Variants in KAZN observed in about 807,000 individuals in gnomAD.
The protein encoded by KAZN is kazrin, periplakin interacting protein, also known as kazrin.
In KAZN, 40 loss-of-function variants were observed where a neutral mutation model predicts 87.4. The ratio of observed to expected loss-of-function variants is 0.46; its 90% CI spans 0.36 to 0.60. The LOEUF is 0.60. Among genes scored for constraint, KAZN ranks in the 20% least tolerant of loss-of-function variants. The pLI is 0.00. For synonymous variants in KAZN, 466 were observed against 458.3 expected (o/e 1.02, Z -0.22); for missense variants, 898 against 1,073.9 (o/e 0.84, Z 2.29).
chr1:14,978,640 G>A (rs970899428), intron 2 of KAZN, among the ~76,000 whole-genome samples: 1 of 152,158 alleles, frequency 6.6e-6, no homozygotes, highest in Admixed American at 6.5e-5. Context: ...GCTGCAGAGG[G>A]CAGTTTCGTG....
At chr1:14,463,461 T>C (rs1222828331) in intron 2 of KAZN, among the ~76,000 whole-genome samples, 1 of 152,216 alleles carries the variant, frequency 6.6e-6, no homozygotes, top group Non-Finnish European at 1.5e-5. Context: ...GTTTACCTTA[T>C]TGAAATTGCT....
At chr1:15,090,830 C>G (rs553530492) in intron 8 of KAZN, among the ~76,000 whole-genome samples, 2 of 152,146 alleles carry the variant, frequency 1.3e-5, no homozygotes, top group Non-Finnish European at 2.9e-5. Flanking sequence ...AGAATGGTAC[C>G]GGGTTAGCTT....
intron 2 of KAZN, among the ~76,000 whole-genome samples, chr1:14,474,962 G>T (rs968231867): frequency 2.0e-5 from 3 of 152,140 alleles, no homozygotes; most frequent in African/African-American, 7.2e-5. Context: ...GATATTGGAT[G>T]GATGGATAGA....
intron 1 of KAZN, among the ~76,000 whole-genome samples, chr1:14,727,446 CTTTCTTTTTTTTTTT>C (rs1643439561): frequency 2.3e-5 from 1 of 43,408 alleles, no homozygotes; most frequent in African/African-American, 7.6e-5. Flanking sequence ...TTATTGTGCA[CTTTCTTTTTTTTTTT>C]TTTTTTTTTT....
intron 1 of KAZN, among the ~76,000 whole-genome samples, chr1:14,045,919 C>T (rs574869979): frequency 2.0e-5 from 3 of 152,232 alleles, no homozygotes; most frequent in African/African-American, 7.2e-5. Flanking sequence ...TTTTCCTACA[C>T]ACAAATAAGT....
At chr1:14,840,264 C>T (rs116694460) in intron 1 of KAZN, among the ~76,000 whole-genome samples, 3 of 152,138 alleles carry the variant, frequency 2.0e-5, no homozygotes, top group South Asian at 4.2e-4. Context: ...GATTGCTGGG[C>T]GCTGGAAAGT....
chr1:15,034,705 G>A, intron 2 of KAZN, 44 bp from the exon 3 acceptor site: 1 of 1,611,174 alleles, frequency 6.2e-7, no homozygotes, highest in Non-Finnish European at 8.5e-7. Flanking sequence ...CATCTGGAGA[G>A]GACAGCTGGG....
chr1:14,478,142 A>C (rs1343799521), intron 2 of KAZN, among the ~76,000 whole-genome samples: 1 of 152,054 alleles, frequency 6.6e-6, no homozygotes, highest in African/African-American at 2.4e-5. Context: ...CTTTCTAGAG[A>C]ATTCAGGACA....
At chr1:14,107,749 G>A (rs1056739769) in intron 1 of KAZN, among the ~76,000 whole-genome samples, 1 of 152,174 alleles carries the variant, frequency 6.6e-6, no homozygotes, top group African/African-American at 2.4e-5. Context: ...AAACTCATGA[G>A]CTTTGTATGC....
intron 1 of KAZN, among the ~76,000 whole-genome samples, chr1:14,036,400 G>C (rs1641561053): frequency 6.6e-6 from 1 of 152,180 alleles, no homozygotes; most frequent in South Asian, 2.1e-4. Flanking sequence ...GCACAGGCCG[G>C]GTGAAGGTGT....
intron 1 of KAZN, among the ~76,000 whole-genome samples, chr1:14,853,434 G>T (rs546193652): frequency 6.6e-6 from 1 of 152,228 alleles, no homozygotes; most frequent in African/African-American, 2.4e-5. Flanking sequence ...TCACCACACT[G>T]CATGAGATAG....
At chr1:14,978,223 C>T (rs1364763166) in intron 2 of KAZN, among the ~76,000 whole-genome samples, 1 of 152,188 alleles carries the variant, frequency 6.6e-6, no homozygotes, top group Non-Finnish European at 1.5e-5. Flanking sequence ...AGCTTTTCTT[C>T]AAGATCTTCA....
chr1:14,281,951 C>T (rs531078226), intron 2 of KAZN, among the ~76,000 whole-genome samples: 130 of 152,208 alleles, frequency 8.5e-4, no homozygotes, highest in African/African-American at 3.0e-3. Flanking sequence ...GAGCTGATGA[C>T]CCCAGTTCCA....
chr1:14,611,985 A>C (rs1003647587), intron 1 of KAZN, among the ~76,000 whole-genome samples: 2 of 152,196 alleles, frequency 1.3e-5, no homozygotes, highest in Non-Finnish European at 2.9e-5. Context: ...CTGTATTCCA[A>C]TAAAACTTTA....
At position 14,952,628 on chromosome 1, in the gene KAZN, C is replaced by T. The variant is rs561806170; in HGVS notation, c.227-8056C>T. 1.1e-3 allele frequency among the ~76,000 whole-genome samples: 157 copies of T among 146,922 alleles called. 3 individuals are homozygous for T. In the South Asian group the frequency reaches 0.016, roughly 15 times the overall value. ...GTCCACCCCGATGGTCAGCTGGGGACGGTCCCTCCAAGCCTGGACTCCACT... is the reference window on the plus strand; with the variant it reads ...GTCCACCCCGATGGTCAGCTGGGGATGGTCCCTCCAAGCCTGGACTCCACT... On this transcript the variant is annotated intron_variant, in intron 1 of 14. Transcript: ENST00000376030.
At chr1:14,554,037 T>A (rs1164963043) in intron 2 of KAZN, among the ~76,000 whole-genome samples, 1 of 152,138 alleles carries the variant, frequency 6.6e-6, no homozygotes, top group Non-Finnish European at 1.5e-5. Flanking sequence ...GGAACAAGGC[T>A]ACTGGAGCCA....
At chr1:13,954,297 G>T (rs982932693) in intron 1 of KAZN, among the ~76,000 whole-genome samples, 1 of 152,196 alleles carries the variant, frequency 6.6e-6, no homozygotes, top group Non-Finnish European at 1.5e-5. Context: ...GTCTGCATTG[G>T]CATTGCTTCC....
chr1:13,949,966 G>A (rs1243978986), intron 1 of KAZN, among the ~76,000 whole-genome samples: 3 of 152,212 alleles, frequency 2.0e-5, no homozygotes, highest in Admixed American at 6.5e-5. Flanking sequence ...AAGATTTGGA[G>A]ACACTGGGTC....
chr1:14,901,583 G>T (rs1002704838), intron 1 of KAZN, among the ~76,000 whole-genome samples: 2 of 152,174 alleles, frequency 1.3e-5, no homozygotes, highest in African/African-American at 4.8e-5. Flanking sequence ...ATCGTCCAGG[G>T]GAGAGATAAT....
Sources: allele counts gnomAD v4.1 joint callset (sites outside exome capture counted in the v4.1 genomes callset), GRCh38; gene constraint gnomAD v4.1.1; transcripts MANE v1.5; gene names NCBI Gene and HGNC (gene_info 2026-07-23, HGNC 2026-07-21).